The following PTCH2 variants were observed in gnomAD, a reference collection of about 807,000 sequenced individuals.
PTCH2 encodes protein patched homolog 2.
PTCH2 carries 96 observed loss-of-function variants against 117.9 expected under a neutral mutation model. That is an observed-to-expected ratio of 0.81 (90% CI 0.69 to 0.96). PTCH2 has a LOEUF of 0.96. Among genes scored for constraint, PTCH2 ranks in the 50% least tolerant of loss-of-function variants. The probability of loss-of-function intolerance (pLI) is 0.00; values close to 1 mark genes in which losing one functional copy is unlikely to be tolerated. For missense variants in PTCH2, 1,379 were observed against 1,562.5 expected, an observed-to-expected ratio of 0.88 and a Z score of 1.98; for synonymous variants, 615 against 660.9, an observed-to-expected ratio of 0.93 and a Z score of 1.06.
chr1:44,819,987 A>G (rs527424987), downstream of PTCH2: 1 of 155,432 alleles, frequency 6.4e-6, no homozygotes, highest in East Asian at 1.9e-4. Flanking sequence ...TTTGAAGAGA[A>G]ACCCGAGTAT....
intron 2 of PTCH2, among the ~76,000 whole-genome samples, chr1:44,832,638 A>G (rs576059840): frequency 6.6e-6 from 1 of 152,316 alleles, no homozygotes; most frequent in South Asian, 2.1e-4. Context: ...AAACTTAAAA[A>G]TGACAATCAG....
Position 44,829,395 on chromosome 1 carries a change from G to C in PTCH2, c.1215+7C>G, listed in dbSNP as rs2148877547. 6.2e-7 allele frequency: 1 copy of C among 1,614,138 alleles called. No homozygotes were observed. The highest frequency in any genetic ancestry group is 1.3e-5 in the African/African-American group (1 of 75,048). ...GGTGGGGGCAAGGTGCCAGGTGCAA[G>C]ACCCACCATGAGCAGATAGCCTCCC... On this transcript the variant is annotated splice_region_variant and intron_variant, in intron 9 of 21. Coordinates refer to ENST00000372192, the MANE Select transcript of PTCH2 (RefSeq NM_003738.5).
rs759398771 is a variant in PTCH2 at position 44,826,464 on chromosome 1, G to C, written c.2976+24C>G. On this transcript the variant is annotated intron_variant, in intron 18 of 21. Coordinates refer to ENST00000372192, the MANE Select transcript of PTCH2 (RefSeq NM_003738.5). This position sits in a 1 kb window ranked among gnomAD's most constrained non-coding sequence, Gnocchi z 5.1. Reference sequence around the variant, plus strand: ...GGGCAGGGAAGGGTGGGGTGTCTCTGTCCCCACTCCTGCAAGCACTCACTA... The same window carrying C: ...GGGCAGGGAAGGGTGGGGTGTCTCTCTCCCCACTCCTGCAAGCACTCACTA... 8.8e-5 allele frequency: 142 copies of C among 1,613,604 alleles called. No homozygotes were observed. Among genetic ancestry groups the C allele is most frequent in the Non-Finnish European group, 1.2e-4 (139 of 1,179,988 alleles).
At chr1:44,838,076 C>T (rs558383385) in intron 2 of PTCH2, among the ~76,000 whole-genome samples, 5 of 142,020 alleles carry the variant, frequency 3.5e-5, no homozygotes, top group African/African-American at 7.9e-5. Flanking sequence ...ATCAAGACTC[C>T]GTCTCAAAAA....
chr1:44,840,732 A>C (rs1573663549), intron 2 of PTCH2, among the ~76,000 whole-genome samples: 2 of 151,974 alleles, frequency 1.3e-5, no homozygotes, highest in East Asian at 3.9e-4. Flanking sequence ...ACAAAAAACC[A>C]AAAACCCAAA....
Position 44,827,521 on chromosome 1 carries a change from T to A in PTCH2, c.2252A>T (p.His751Leu), listed in dbSNP as rs560836129. The A allele has an allele frequency of 2.5e-6, 4 of 1,613,742 alleles. No individual in the cohort carries two copies. The East Asian group carries it at 8.9e-5, about 36-fold the overall frequency. Residue 751 changes from histidine (H) to leucine (L), a missense_variant, in exon 15 of 22, where the codon CAC becomes CTC. Transcript: ENST00000372192. ...CAGATCAAAGAGGGCGCGTTGGGAG[T>A]GGGCGTAGTCAAAGCCACCCTGGGT... ...LVTQGGFDYA[H>L]SQRALFDLHQ...
intron 6 of PTCH2, among the ~76,000 whole-genome samples, chr1:44,830,521 T>C (rs1653384689): frequency 7.0e-6 from 1 of 143,474 alleles, no homozygotes; most frequent in Admixed American, 7.3e-5. Context: ...GAGAATTGCT[T>C]GAGCCGAGGT....
At chr1:44,830,587 C>CAAAAAAAAAAAAAAAAAA (rs768951349) in intron 6 of PTCH2, among the ~76,000 whole-genome samples, 1,589 of 64,768 alleles carry the variant, frequency 0.025, 156 homozygotes, top group East Asian at 0.033. Flanking sequence ...GAGTGAGACT[C>CAAAAAAAAAAAAAAAAAA]AAAAAAAAAA....
intron 2 of PTCH2, among the ~76,000 whole-genome samples, chr1:44,835,686 TG>T (rs1187713104): frequency 5.3e-5 from 8 of 152,322 alleles, no homozygotes; most frequent in African/African-American, 1.9e-4. Context: ...ATGGGAGTCA[TG>T]GTAGATTTTG....
chr1:44,835,466 C>T lies in PTCH2; in HGVS notation c.266-3125G>A, dbSNP rs1653644376. 2.0e-5 allele frequency among the ~76,000 whole-genome samples: 3 copies of T among 152,274 alleles called. No individual in the cohort carries two copies. The South Asian group carries it at 6.2e-4, about 32-fold the overall frequency. Reference sequence around the variant, plus strand: ...TGCAAATACAAACATCAATAAGTTACTATCTAACAATTTAGCAAAAATTTT... The same window carrying T: ...TGCAAATACAAACATCAATAAGTTATTATCTAACAATTTAGCAAAAATTTT... On this transcript the variant is annotated intron_variant, in intron 2 of 21. Coordinates refer to ENST00000372192, the MANE Select transcript of PTCH2 (RefSeq NM_003738.5).
At position 44,828,620 on chromosome 1, in the gene PTCH2, G is replaced by T. The variant is rs569864866; in HGVS notation, c.1476C>A (p.Gly492=). ...LPGTPLQERM[G]ECLQRTGTSV... is the part of the protein sequence containing the mutation. ...TGGTGCCCGTGCGCTGCAGACACTC[G>T]CCCATGCGCTCCTGCCAGGACAGAG... Residue 492 remains glycine, a synonymous_variant, in exon 12 of 22, where the codon GGC becomes GGA. Coordinates refer to ENST00000372192, the MANE Select transcript of PTCH2 (RefSeq NM_003738.5). The T allele has an allele frequency of 3.3e-5, 54 of 1,612,508 alleles. No homozygotes were observed. The highest frequency in any genetic ancestry group is 4.5e-5 in the Non-Finnish European group (53 of 1,179,482).
Position 44,829,320 on chromosome 1 carries a change from G to A in PTCH2, c.1216-8C>T, listed in dbSNP as rs769517080. 2.5e-6 allele frequency: 4 copies of A among 1,613,698 alleles called. No individual in the cohort carries two copies. Among genetic ancestry groups the A allele is most frequent in the Non-Finnish European group, 3.4e-6 (4 of 1,180,022 alleles). On this transcript the variant is annotated splice_polypyrimidine_tract_variant and splice_region_variant and intron_variant, in intron 9 of 21. Coordinates refer to ENST00000372192, the MANE Select transcript of PTCH2 (RefSeq NM_003738.5). Reference sequence around the variant, plus strand: ...CACACAGGCATAGGCCAGCTGTGGGGGGAAAGGGCAGTCTCAGGGGCTCCC... The same window carrying A: ...CACACAGGCATAGGCCAGCTGTGGGAGGAAAGGGCAGTCTCAGGGGCTCCC...
At chr1:44,839,485 C>T (rs1385429852) in intron 2 of PTCH2, among the ~76,000 whole-genome samples, 2 of 151,986 alleles carry the variant, frequency 1.3e-5, no homozygotes, top group Middle Eastern at 3.2e-3. Flanking sequence ...CTACCATCCT[C>T]TTATAAAACC....
intron 2 of PTCH2, among the ~76,000 whole-genome samples, chr1:44,839,383 A>AC (rs1573661715): frequency 6.8e-6 from 1 of 146,642 alleles, no homozygotes; most frequent in East Asian, 2.0e-4. Context: ...AAAAAAAAAA[A>AC]CAGAAAGAAA....
chr1:44,836,773 TACAAACAAACAA>T (rs531275917), intron 2 of PTCH2, among the ~76,000 whole-genome samples: 1 of 151,776 alleles, frequency 6.6e-6, no homozygotes, highest in African/African-American at 2.4e-5. Flanking sequence ...ACTGCGTCTC[TACAAACAAACAA>T]ACAAACAAAC....
In PTCH2 at chr1:44,826,421, C is replaced by T. The variant is rs1653143747; in HGVS notation, c.2977-34G>A. The stretch of plus-strand genomic sequence containing the variant: ...GACAGGGCTCACAGAGGGCTCCTGG[C>T]AGGAGGGATGACAGGCTGGGCAGGG... On this transcript the variant is annotated intron_variant, in intron 18 of 21. Transcript: ENST00000372192. The surrounding 1 kb of genome is among the most constrained non-coding windows in gnomAD (Gnocchi z 5.1). The T allele has an allele frequency of 1.9e-6, 3 of 1,613,868 alleles. No individual in the cohort carries two copies. The highest frequency in any genetic ancestry group is 2.5e-6 in the Non-Finnish European group (3 of 1,180,010).
At position 44,841,889 on chromosome 1, in the gene PTCH2, T is replaced by C. The variant is rs759212264; in HGVS notation, c.223A>G (p.Met75Val). The change falls in exon 2 of 22, where the codon ATG (methionine) becomes GTG (valine). Residue 75 changes from methionine (M) to valine (V), a missense_variant. Coordinates refer to ENST00000372192, the MANE Select transcript of PTCH2 (RefSeq NM_003738.5). Reference protein sequence around the residue: ...AFGALALGLRMAIIETNLEQL... With the variant: ...AFGALALGLRVAIIETNLEQL... ...TCCAAGTTTGTCTCAATAATGGCCA[T>C]GCGGAGACCTAATGCCAGGGCCCCA... 2.5e-6 allele frequency: 4 copies of C among 1,614,174 alleles called. No homozygotes were observed. Among genetic ancestry groups the C allele is most frequent in the Non-Finnish European group, 3.4e-6 (4 of 1,180,026 alleles).
In PTCH2 at chr1:44,839,361, C is replaced by CAAAAAAA. The variant is rs57053705; in HGVS notation, c.265+2479_265+2485dup. Among the ~76,000 whole-genome samples, 478 of 75,588 alleles carry CAAAAAAA rather than the reference C, an allele frequency of 6.3e-3. 12 individuals are homozygous for CAAAAAAA. The highest frequency in any genetic ancestry group is 9.6e-3 in the Non-Finnish European group (369 of 38,304). 49.6% of individuals were successfully genotyped at this position (75,588 alleles called of 152,430 possible). On this transcript the variant is annotated intron_variant, in intron 2 of 21. Transcript: ENST00000372192. ...TGGGCAACAGAGCAAGACTTACTCT[C>CAAAAAAA]AAAAAAAAAAAAAAAAAAAAAACAG...
Position 44,828,402 on chromosome 1 carries a change from C to A in PTCH2, c.1603G>T (p.Val535Phe). The A allele has an allele frequency of 1.9e-6, 3 of 1,614,154 alleles. No homozygotes were observed. The highest frequency in any genetic ancestry group is 2.5e-6 in the Non-Finnish European group (3 of 1,180,030). ...RAFSLQAAIVVGCTFVAVMLV... is the reference protein window; with the variant it reads ...RAFSLQAAIVFGCTFVAVMLV... Reference sequence around the variant, plus strand: ...ATCACGGCTACAAAGGTGCAGCCAACCACTATGGCCGCCTGGGGGACGGAC... The same window carrying A: ...ATCACGGCTACAAAGGTGCAGCCAAACACTATGGCCGCCTGGGGGACGGAC... Residue 535 changes from valine to phenylalanine, a missense_variant, in exon 13 of 22, where the codon GTT (valine) becomes TTT (phenylalanine). Coordinates refer to ENST00000372192, the MANE Select transcript of PTCH2 (RefSeq NM_003738.5).
Sources: gnomAD v4.1 joint callset for allele counts (sites outside exome capture counted in the v4.1 genomes callset) on GRCh38, gnomAD v4.1.1 for gene constraint, Gnocchi (gnomAD v3.1) non-coding constraint, MANE v1.5 for transcripts, NCBI Gene and HGNC (gene_info 2026-07-23, HGNC 2026-07-21) for gene names.